Variants in CENPC observed in about 807,000 individuals in gnomAD.
The protein encoded by CENPC is CENP-C 1.
In CENPC, 63 loss-of-function variants were observed where a neutral mutation model predicts 112.1. The observed-to-expected ratio is 0.56, with a 90% confidence interval of 0.46 to 0.69. CENPC has a LOEUF of 0.69. Ranked by LOEUF, CENPC falls within the 30% of genes least tolerant of loss-of-function variation. The pLI is 0.00. For missense variants in CENPC, 1,000 were observed against 1,103.8 expected (o/e 0.91, Z 1.33); for synonymous variants, 333 against 367.6 (o/e 0.91, Z 1.08).
chr4:67,505,331 A>C (rs766822126), intron 11 of CENPC, 47 bp from the exon 12 acceptor site: 10 of 1,071,552 alleles, frequency 9.3e-6, no homozygotes, highest in Middle Eastern at 2.0e-4. Flanking sequence ...TATAATACAT[A>C]TATCTAATGT....
intron 17 of CENPC, among the ~76,000 whole-genome samples, chr4:67,478,069 A>C (rs1456161333): frequency 6.6e-6 from 1 of 152,138 alleles, no homozygotes; most frequent in Admixed American, 6.5e-5. Flanking sequence ...ACGACCACAC[A>C]TAAGAATAAT....
In CENPC at chr4:67,471,576, C is replaced by T. The variant is rs768890780; in HGVS notation, c.*1029G>A. 2 of 151,576 alleles carry T rather than the reference C, an allele frequency of 1.3e-5. No individual in the cohort carries two copies. The highest frequency in any genetic ancestry group is 2.9e-5 in the Non-Finnish European group (2 of 67,874). The allele number at this position is 151,576 out of a possible 1,614,324, so 9.4% of individuals were successfully genotyped here. A position where few individuals can be genotyped will look rare whatever the true frequency, so the allele number is the denominator to read the frequency against. On this transcript the variant is annotated 3_prime_UTR_variant, in exon 19 of 19. Coordinates refer to ENST00000273853, the MANE Select transcript of CENPC (RefSeq NM_001812.4). ...AAATGACTCAATAAAAGAGAAATCACAATAGAAAATTATAAAGTATAAAAA... is the reference window on the plus strand; with the variant it reads ...AAATGACTCAATAAAAGAGAAATCATAATAGAAAATTATAAAGTATAAAAA...
chr4:67,498,444 C>T (rs1367329057), intron 12 of CENPC, among the ~76,000 whole-genome samples: 2 of 152,166 alleles, frequency 1.3e-5, no homozygotes, highest in Non-Finnish European at 2.9e-5. Context: ...ATTTTACTCA[C>T]AGCAGAACTT....
At chr4:67,493,269 A>G in intron 14 of CENPC, 1 of 199,320 alleles carries the variant, frequency 5.0e-6, no homozygotes, top group Non-Finnish European at 1.0e-5. Context: ...CTTTTAAAAA[A>G]AAAAAAAAAA....
At chr4:67,483,359 G>A (rs1210023875) in intron 17 of CENPC, among the ~76,000 whole-genome samples, 1 of 149,710 alleles carries the variant, frequency 6.7e-6, no homozygotes, top group Non-Finnish European at 1.5e-5. Context: ...CTCAATGAAA[G>A]AAAAAAAAAA....
chr4:67,510,923 A>G, intron 9 of CENPC: 1 of 439,786 alleles, frequency 2.3e-6, no homozygotes, highest in South Asian at 1.6e-5. Context: ...GTGTTTTTTG[A>G]TAGTTTCAGA....
At position 67,514,453 on chromosome 4, in the gene CENPC, A is replaced by C. The variant is rs1725994140; in HGVS notation, c.1065T>G (p.Pro355=). The change falls in exon 8 of 19, where the codon CCT becomes CCG. Residue 355 remains proline, a synonymous_variant. Coordinates refer to ENST00000273853, the MANE Select transcript of CENPC (RefSeq NM_001812.4). Reference sequence around the variant, plus strand: ...AATGTTTGTCATTTGCCAAAGTCTTAGGTAATATATTATGATGCTTTTCTC... The same window carrying C: ...AATGTTTGTCATTTGCCAAAGTCTTCGGTAATATATTATGATGCTTTTCTC... ...KSREKHHNIL[P]KTLANDKHSH... The C allele has an allele frequency of 6.2e-7, 1 of 1,613,504 alleles. No homozygotes were observed. Among genetic ancestry groups the C allele is most frequent in the African/African-American group, 1.3e-5 (1 of 74,938 alleles).
chr4:67,512,841 A>C (rs1353429065), intron 8 of CENPC, among the ~76,000 whole-genome samples: 3 of 151,258 alleles, frequency 2.0e-5, no homozygotes, highest in Non-Finnish European at 4.4e-5. Context: ...TCTGAAACTG[A>C]AAAAAAAATA....
chr4:67,510,936 T>C (rs1044469652), intron 9 of CENPC: 1 of 453,096 alleles, frequency 2.2e-6, no homozygotes, highest in South Asian at 1.6e-5. Flanking sequence ...GTTTCAGAGA[T>C]CTAGCACATT....
Position 67,492,211 on chromosome 4 carries a change from CT to C in CENPC, c.2483del (p.Lys828ArgfsTer14). On this transcript the variant is annotated frameshift_variant, in exon 16 of 19. Transcript: ENST00000273853. LOFTEE classifies it high-confidence loss of function. ...GAATAATCTCTCTTGTTTCTGGGTCCTTTACCCTCGTTGGCTGCAAAGGATC... is the reference window on the plus strand; with the variant it reads ...GAATAATCTCTCTTGTTTCTGGGTCCTTACCCTCGTTGGCTGCAAAGGATC... ...LGDPLQPTRV[K>X]DPETREIILM... is the part of the protein sequence containing the mutation. 6.4e-7 allele frequency: 1 copy of C among 1,567,962 alleles called. No homozygotes were observed. The highest frequency in any genetic ancestry group is 8.7e-7 in the Non-Finnish European group (1 of 1,154,266).
intron 4 of CENPC, among the ~76,000 whole-genome samples, chr4:67,534,921 T>C (rs355487): frequency 0.63 from 95,800 of 151,948 alleles, 30,455 homozygotes; most frequent in East Asian, 0.81. Context: ...TGAAGAAATA[T>C]TTATGAAAAG....
intron 4 of CENPC, among the ~76,000 whole-genome samples, chr4:67,531,190 TTAAA>T (rs1458126240): frequency 5.3e-5 from 8 of 152,062 alleles, no homozygotes; most frequent in Non-Finnish European, 7.4e-5. Flanking sequence ...AATAAACTTA[TTAAA>T]TAAATAAATT....
chr4:67,542,733 G>C (rs1726922200), intron 2 of CENPC, among the ~76,000 whole-genome samples: 2 of 152,104 alleles, frequency 1.3e-5, no homozygotes, highest in Admixed American at 1.3e-4. Context: ...AGTAGTATTA[G>C]TGGCCGGTTT....
At chr4:67,478,030 A>T (rs1724853930) in intron 17 of CENPC, among the ~76,000 whole-genome samples, 1 of 152,112 alleles carries the variant, frequency 6.6e-6, no homozygotes, top group African/African-American at 2.4e-5. Context: ...AAATGAACAA[A>T]GCCTTGAAGA....
At chr4:67,476,274 CAG>C (rs1412859342) in intron 17 of CENPC, among the ~76,000 whole-genome samples, 10 of 152,168 alleles carry the variant, frequency 6.6e-5, no homozygotes, top group Non-Finnish European at 1.5e-4. Flanking sequence ...AAAGAATTCA[CAG>C]ACTCTTTGAA....
At chr4:67,512,285 AC>A in intron 9 of CENPC, 116 bp downstream of exon 9, 1 of 691,226 alleles carries the variant, frequency 1.4e-6, no homozygotes, top group Non-Finnish European at 2.4e-6. Flanking sequence ...CCTTTTGATG[AC>A]CCAATTTAAC....
chr4:67,501,115 C>T (rs1308253558), intron 12 of CENPC, among the ~76,000 whole-genome samples: 2 of 152,224 alleles, frequency 1.3e-5, no homozygotes, highest in Non-Finnish European at 2.9e-5. Flanking sequence ...TGAGACCAGC[C>T]TGGCCAACAA....
chr4:67,480,923 T>C lies in CENPC; in HGVS notation c.2671-5945A>G, dbSNP rs187697323. 7.9e-5 allele frequency among the ~76,000 whole-genome samples: 12 copies of C among 152,288 alleles called. No individual in the cohort carries two copies. In the East Asian group the frequency reaches 1.2e-3, roughly 15 times the overall value. ...CCACTTTCACCACTTCTATTCAACA[T>C]AGTACTGGAAGTCCTGGCCAGAGCA... is the stretch of plus-strand genomic sequence containing the variant. On this transcript the variant is annotated intron_variant, in intron 17 of 18. Coordinates refer to ENST00000273853, the MANE Select transcript of CENPC (RefSeq NM_001812.4).
rs149011010 is a variant in CENPC, at chr4:67,526,959, A to T, written c.331+3856T>A. 6.3e-3 allele frequency among the ~76,000 whole-genome samples: 958 copies of T among 152,342 alleles called. 11 individuals carry two copies. The highest frequency in any genetic ancestry group is 0.022 in the African/African-American group (927 of 41,580). ...GTGCATACTATGTCATAAAGGAATC[A>T]AGATCAGAAATTAATAAGGAAAAGA... On this transcript the variant is annotated intron_variant, in intron 5 of 18. Coordinates refer to ENST00000273853, the MANE Select transcript of CENPC (RefSeq NM_001812.4).
Sources: gnomAD v4.1 joint callset for allele counts (sites outside exome capture counted in the v4.1 genomes callset) on GRCh38, gnomAD v4.1.1 for gene constraint, MANE v1.5 for transcripts, NCBI Gene and HGNC (gene_info 2026-07-23, HGNC 2026-07-21) for gene names.